Variants in DSC3 observed in about 807,000 individuals in gnomAD.
DSC3 encodes the protein desmocollin 3, also known as desmocollin-3.
DSC3 carries 97 observed loss-of-function variants against 89.5 expected under a neutral mutation model. The ratio of observed to expected loss-of-function variants is 1.08; its 90% CI spans 0.92 to 1.28. DSC3 has a LOEUF of 1.28. Ranked by LOEUF, DSC3 falls within the 50% of genes most tolerant of loss-of-function variation. The probability of loss-of-function intolerance (pLI) is 0.00; values close to 1 mark genes in which losing one functional copy is unlikely to be tolerated. For synonymous variants in DSC3, 436 were observed against 384.1 expected, an observed-to-expected ratio of 1.14 and a Z score of -1.58; for missense variants, 1,199 against 1,085.3, an observed-to-expected ratio of 1.10 and a Z score of -1.47.
rs74849509 is a variant in DSC3, at chr18:31,030,890, T to A, written c.354+83A>T. On this transcript the variant is annotated intron_variant, in intron 3 of 15. Transcript: ENST00000360428. ...GAAAACAAAAGGGGAAAATACCCTA[T>A]TTATCCTTGTTTCTCTTTGCAATTT... 3,316 of 1,267,058 alleles carry A rather than the reference T, an allele frequency of 2.6e-3. 63 individuals are homozygous for A. The African/African-American group carries it at 0.041, about 16-fold the overall frequency. The allele number at this position is 1,267,058 out of a possible 1,614,324, so 78.5% of individuals were successfully genotyped here. A position where few individuals can be genotyped will look rare whatever the true frequency, so the allele number is the denominator to read the frequency against.
At chr18:31,002,563 A>G (rs1319318569) in intron 13 of DSC3, among the ~76,000 whole-genome samples, 1 of 151,918 alleles carries the variant, frequency 6.6e-6, no homozygotes, top group Admixed American at 6.6e-5. Context: ...AGCCGGGCAC[A>G]GTGGCACATG....
In DSC3 at chr18:31,008,171, AAAAAATAGTC is replaced by A; in HGVS notation, c.1521-23_1521-14del. ...CAATTTTTTGTACCTGTTAATAAAAAAAAAATAGTCTTTAGCATCAGAAAATGTTTTCAAA... is the reference window on the plus strand; with the variant it reads ...CAATTTTTTGTACCTGTTAATAAAAATTTAGCATCAGAAAATGTTTTCAAA... On this transcript the variant is annotated splice_polypyrimidine_tract_variant and intron_variant, in intron 10 of 15. Transcript: ENST00000360428. 6.2e-7 allele frequency: 1 copy of A among 1,608,242 alleles called. No homozygotes were observed.
At chr18:31,025,714 A>G (rs745474933) in intron 5 of DSC3, 46 bp downstream of exon 5, 43 of 1,580,872 alleles carry the variant, frequency 2.7e-5, no homozygotes, top group Middle Eastern at 1.7e-4. Context: ...ATCAGAAGAA[A>G]CATAGTTTAA....
intron 1 of DSC3, among the ~76,000 whole-genome samples, chr18:31,037,108 CA>C (rs1465106103): frequency 6.6e-6 from 1 of 152,016 alleles, no homozygotes; most frequent in African/African-American, 2.4e-5. Flanking sequence ...GTTTGTTTTT[CA>C]ATAAAGCTTT....
At chr18:31,033,584 A>G (rs1047901006) in intron 1 of DSC3, among the ~76,000 whole-genome samples, 1 of 152,206 alleles carries the variant, frequency 6.6e-6, no homozygotes, top group Non-Finnish European at 1.5e-5. Flanking sequence ...CAAACCATAC[A>G]CAAAAATTAA....
At chr18:31,006,152 A>G (rs1001458653) in intron 12 of DSC3, among the ~76,000 whole-genome samples, 8 of 152,204 alleles carry the variant, frequency 5.3e-5, no homozygotes, top group African/African-American at 1.9e-4. Flanking sequence ...ACTCCTTCCC[A>G]TATCCCTTGC....
Position 31,022,366 on chromosome 18 carries a change from G to A in DSC3, c.912C>T (p.Ile304=). 1 of 1,614,028 alleles carries A rather than the reference G, an allele frequency of 6.2e-7. No homozygotes were observed. The highest frequency in any genetic ancestry group is 1.3e-5 in the African/African-American group (1 of 75,022). Residue 304 remains isoleucine (I), a synonymous_variant, in exon 7 of 16, where the codon ATC becomes ATT. Transcript: ENST00000360428. ...TGTCCAAATAATGAGAGACTGTGGTGATTACGCCTGTGCTGGGATGCACAG... is the reference window on the plus strand; with the variant it reads ...TGTCCAAATAATGAGAGACTGTGGTAATTACGCCTGTGCTGGGATGCACAG... ...LFSVHPSTGV[I]TTVSHYLDRE...
In DSC3 at chr18:31,022,390, A is replaced by C. The variant is rs1985452044; in HGVS notation, c.888T>G (p.Ser296=). Residue 296 remains serine (S), a synonymous_variant, in exon 7 of 16, where the codon TCT becomes TCG. Coordinates refer to ENST00000360428, the MANE Select transcript of DSC3 (RefSeq NM_001941.5). The part of the protein sequence containing the change: ...QQTPRSPGLF[S]VHPSTGVITT... Reference sequence around the variant, plus strand: ...TGATTACGCCTGTGCTGGGATGCACAGAAAAGAGCCCAGGTGACCTTGGTG... The same window carrying C: ...TGATTACGCCTGTGCTGGGATGCACCGAAAAGAGCCCAGGTGACCTTGGTG... 6.2e-7 allele frequency: 1 copy of C among 1,614,128 alleles called. No homozygotes were observed. The highest frequency in any genetic ancestry group is 8.5e-7 in the Non-Finnish European group (1 of 1,179,992).
chr18:30,997,218 A>C (rs960409316), intron 14 of DSC3, among the ~76,000 whole-genome samples, 170 bp from the exon 15 acceptor site: 2 of 152,148 alleles, frequency 1.3e-5, no homozygotes, highest in Non-Finnish European at 1.5e-5. Flanking sequence ...GTCTTCATTC[A>C]TTTTGTGCTG....
chr18:31,040,159 T>C (rs1028040524), intron 1 of DSC3, among the ~76,000 whole-genome samples: 5 of 152,092 alleles, frequency 3.3e-5, no homozygotes, highest in Non-Finnish European at 7.4e-5. Flanking sequence ...AGTACAGATT[T>C]GAGGGGAGTT....
chr18:31,036,589 T>TC (rs1162290398), intron 1 of DSC3, among the ~76,000 whole-genome samples: 1 of 152,078 alleles, frequency 6.6e-6, no homozygotes, highest in African/African-American at 2.4e-5. Context: ...GTATTTTTGC[T>TC]CTTTTTAGAC....
At chr18:31,032,121 T>C (rs1985809116) in intron 2 of DSC3, 71 bp downstream of exon 2, 1 of 1,064,350 alleles carries the variant, frequency 9.4e-7, no homozygotes, top group East Asian at 2.4e-5. Context: ...AAGGCAAAGG[T>C]ATTATATCAT....
At chr18:31,025,242 T>C (rs1985557769) in intron 5 of DSC3, among the ~76,000 whole-genome samples, 1 of 152,190 alleles carries the variant, frequency 6.6e-6, no homozygotes. Flanking sequence ...TGCTATTGAC[T>C]ATAAGCTCAT....
At chr18:31,006,521 A>G (rs1045120396) in intron 12 of DSC3, among the ~76,000 whole-genome samples, 1 of 151,976 alleles carries the variant, frequency 6.6e-6, no homozygotes, top group African/African-American at 2.4e-5. Context: ...GCTGGTCTTG[A>G]ACTCCTGACC....
At chr18:31,036,812 A>ATTTTTTTTTTTT (rs1985986220) in intron 1 of DSC3, among the ~76,000 whole-genome samples, 1 of 36,110 alleles carries the variant, frequency 2.8e-5, no homozygotes, top group African/African-American at 1.2e-4. Context: ...TTTTTTTTTG[A>ATTTTTTTTTTTT]GATGGAATCT....
At chr18:31,018,919 T>C in intron 7 of DSC3, 119 bp from the exon 8 acceptor site, 1 of 981,426 alleles carries the variant, frequency 1.0e-6, no homozygotes, top group Non-Finnish European at 1.6e-6. Context: ...TCCGTGCTTT[T>C]ACCTGATTTC....
In DSC3 at chr18:31,040,308, T is replaced by C. The variant is rs564206723; in HGVS notation, c.69+2284A>G. ...TCTTAAAGTGGATTTGATAACAGTATTAACACATATTTTTAAAAGAATCTT... is the reference window on the plus strand; with the variant it reads ...TCTTAAAGTGGATTTGATAACAGTACTAACACATATTTTTAAAAGAATCTT... On this transcript the variant is annotated intron_variant, in intron 1 of 15. Transcript: ENST00000360428. Among the ~76,000 whole-genome samples the C allele has an allele frequency of 3.3e-5, 5 of 152,200 alleles. No individual in the cohort carries two copies. In the East Asian group the frequency reaches 9.6e-4, roughly 29 times the overall value.
chr18:30,996,661 C>G, intron 15 of DSC3, 130 bp downstream of exon 15: 2 of 969,878 alleles, frequency 2.1e-6, no homozygotes, highest in Non-Finnish European at 2.9e-6. Flanking sequence ...TCAAAGAGCA[C>G]GGGAAAATGA....
intron 1 of DSC3, among the ~76,000 whole-genome samples, chr18:31,038,926 A>C (rs1386355593): frequency 6.6e-6 from 1 of 152,068 alleles, no homozygotes; most frequent in East Asian, 1.9e-4. Context: ...CTTCAGTTAT[A>C]GTATGTTTCT....
Sources: gnomAD v4.1 joint callset for allele counts (sites outside exome capture counted in the v4.1 genomes callset) on GRCh38, gnomAD v4.1.1 for gene constraint, MANE v1.5 for transcripts, NCBI Gene and HGNC (gene_info 2026-07-23, HGNC 2026-07-21) for gene names.